EBF3: variants seen among roughly 807,000 people sequenced by gnomAD.
The protein encoded by EBF3 is EBF transcription factor 3.
A neutral mutation model predicts 77.1 loss-of-function variants in EBF3; 18 were observed. That is an observed-to-expected ratio of 0.23 (90% CI 0.16 to 0.35). The LOEUF is 0.35. Among genes scored for constraint, EBF3 ranks in the 10% least tolerant of loss-of-function variants. The pLI is 1.00. For synonymous variants in EBF3, 350 were observed against 343.5 expected (o/e 1.02, Z -0.21); for missense variants, 558 against 860.0 (o/e 0.65, Z 4.39).
At position 129,945,463 on chromosome 10, in the gene EBF3, C is replaced by G. The variant is rs550613085; in HGVS notation, c.554+11795G>C. On this transcript the variant is annotated intron_variant, in intron 6 of 16. Transcript: ENST00000440978. ...TGATCAGAGGGCTCTGTAAATCACA[C>G]GGATTCCGTACAGTCCTCCGGCCTC... Among the ~76,000 whole-genome samples the G allele has an allele frequency of 2.2e-4, 33 of 152,278 alleles. No homozygotes were observed. In the East Asian group the frequency reaches 6.2e-3, roughly 29 times the overall value.
At chr10:129,886,331 T>C (rs893658051) in intron 6 of EBF3, among the ~76,000 whole-genome samples, 9 of 152,244 alleles carry the variant, frequency 5.9e-5, no homozygotes, top group African/African-American at 2.2e-4. Flanking sequence ...TGAGTGGCAA[T>C]TATTAGTTTT....
chr10:129,955,414 A>G (rs1858964744), intron 6 of EBF3, among the ~76,000 whole-genome samples: 1 of 152,222 alleles, frequency 6.6e-6, no homozygotes, highest in African/African-American at 2.4e-5. Flanking sequence ...CATTAACCAA[A>G]TGTTTTTACG....
At chr10:129,895,885 G>A (rs117531019) in intron 6 of EBF3, among the ~76,000 whole-genome samples, 1,913 of 152,292 alleles carry the variant, frequency 0.013, 17 homozygotes, top group Non-Finnish European at 0.021. Flanking sequence ...GAAAGAATCC[G>A]TAATGTGGGA....
intron 6 of EBF3, among the ~76,000 whole-genome samples, chr10:129,924,258 T>C (rs1856496018): frequency 6.6e-6 from 1 of 151,862 alleles, no homozygotes; most frequent in Non-Finnish European, 1.5e-5. Context: ...CTGCTAAAAA[T>C]ACAAACATTA....
At chr10:129,843,456 G>A (rs1170476513) in intron 11 of EBF3, 1 of 441,032 alleles carries the variant, frequency 2.3e-6, no homozygotes, top group Non-Finnish European at 4.1e-6. Context: ...GCTCACAGAG[G>A]TGCACGGACA....
At chr10:129,891,097 A>G (rs1853989318) in intron 6 of EBF3, among the ~76,000 whole-genome samples, 1 of 152,194 alleles carries the variant, frequency 6.6e-6, no homozygotes, top group Non-Finnish European at 1.5e-5. Context: ...AAAAATGAGC[A>G]TCTAAATGGA....
chr10:129,856,121 C>G (rs1449040382), intron 10 of EBF3, among the ~76,000 whole-genome samples: 1 of 152,218 alleles, frequency 6.6e-6, no homozygotes, highest in African/African-American at 2.4e-5. Flanking sequence ...ACAGGTCACC[C>G]TCTGCCACGT....
rs1343596840 is a variant in EBF3 at position 129,878,561 on chromosome 10, C to T, written c.555-712G>A. 7.4e-5 allele frequency among the ~76,000 whole-genome samples: 11 copies of T among 147,708 alleles called. No individual in the cohort carries two copies. In the South Asian group the frequency reaches 8.6e-4, roughly 12 times the overall value. On this transcript the variant is annotated intron_variant, in intron 6 of 16. Coordinates refer to ENST00000440978, the MANE Select transcript of EBF3 (RefSeq NM_001375380.1). Reference sequence around the variant, plus strand: ...GCATGTGCCTATAATCCCAGCTACTCGGGAGGCTGAGGCAGGAGAATCGCT... The same window carrying T: ...GCATGTGCCTATAATCCCAGCTACTTGGGAGGCTGAGGCAGGAGAATCGCT...
intron 6 of EBF3, among the ~76,000 whole-genome samples, chr10:129,896,494 G>A (rs936088345): frequency 4.0e-4 from 61 of 152,342 alleles, no homozygotes; most frequent in African/African-American, 1.2e-3. Context: ...CTGGCTGGAC[G>A]GGGCGGGGGC....
rs1430219717 is a variant in EBF3, at chr10:129,841,983, C to T, written c.1372+133G>A. 54 of 1,188,216 alleles carry T rather than the reference C, an allele frequency of 4.5e-5. 1 individual carries two copies. Among genetic ancestry groups the T allele is most frequent in the Non-Finnish European group, 6.0e-5 (51 of 855,684 alleles). 73.6% of individuals were successfully genotyped at this position (1,188,216 alleles called of 1,614,324 possible). A position where few individuals can be genotyped will look rare whatever the true frequency, so the allele number is the denominator to read the frequency against. On this transcript the variant is annotated intron_variant, in intron 13 of 16. Coordinates refer to ENST00000440978, the MANE Select transcript of EBF3 (RefSeq NM_001375380.1). The surrounding 1 kb of genome is among the most constrained non-coding windows in gnomAD (Gnocchi z 4.6). ...AGCAAGGTCTTCCTGAGCAAAGGAA[C>T]CAGCAGAGCCAGAGAGAACAGAACG...
intron 10 of EBF3, among the ~76,000 whole-genome samples, chr10:129,855,916 C>T (rs1337776813): frequency 6.6e-6 from 1 of 152,226 alleles, no homozygotes; most frequent in Non-Finnish European, 1.5e-5. Context: ...GGAAAATCTG[C>T]ACACAGAGGT....
intron 6 of EBF3, among the ~76,000 whole-genome samples, chr10:129,920,773 G>C (rs1240598287): frequency 6.6e-6 from 1 of 152,254 alleles, no homozygotes; most frequent in Non-Finnish European, 1.5e-5. Context: ...GAAGGGCCCA[G>C]TAACCATGAA....
At chr10:129,942,505 A>G (rs1857834729) in intron 6 of EBF3, among the ~76,000 whole-genome samples, 1 of 152,190 alleles carries the variant, frequency 6.6e-6, no homozygotes, top group Admixed American at 6.5e-5. Context: ...AGCGTCCCAC[A>G]CGCTGTAGGG....
At chr10:129,946,476 A>T (rs532098048) in intron 6 of EBF3, among the ~76,000 whole-genome samples, 1 of 152,248 alleles carries the variant, frequency 6.6e-6, no homozygotes, top group Non-Finnish European at 1.5e-5. Context: ...CAGCCAAATA[A>T]CATTTTTCCT....
rs1020872781 is a variant in EBF3, at chr10:129,962,933, G to A, written c.355+9C>T. 2.5e-6 allele frequency: 4 copies of A among 1,613,858 alleles called. No individual in the cohort carries two copies. Among genetic ancestry groups the A allele is most frequent in the Non-Finnish European group, 3.4e-6 (4 of 1,179,876 alleles). On this transcript the variant is annotated intron_variant, in intron 3 of 16. Transcript: ENST00000440978. ...CTGCAGGGGCGGCGAGCACGCAGCA[G>A]GCACTTACCGTTGCTGTACAATAAC...
chr10:129,881,579 T>C (rs1044983280), intron 6 of EBF3, among the ~76,000 whole-genome samples: 10 of 152,160 alleles, frequency 6.6e-5, no homozygotes, highest in African/African-American at 2.4e-4. Flanking sequence ...TGTGATCTTA[T>C]TACTTTTGAA....
chr10:129,854,398 G>T (rs1019278314), intron 10 of EBF3, among the ~76,000 whole-genome samples: 1 of 152,126 alleles, frequency 6.6e-6, no homozygotes. Flanking sequence ...GATGAAAAGC[G>T]GCCAGGGCAG....
In EBF3 at chr10:129,837,283, T is replaced by A. The variant is rs373003353; in HGVS notation, c.*660A>T. 6.5e-6 allele frequency: 1 copy of A among 152,706 alleles called. No individual in the cohort carries two copies. The highest frequency in any genetic ancestry group is 2.1e-4 in the South Asian group (1 of 4,830). The allele number at this position is 152,706 out of a possible 1,614,324, so 9.5% of individuals were successfully genotyped here. A position where few individuals can be genotyped will look rare whatever the true frequency, so the allele number is the denominator to read the frequency against. ...AGTGTGCTTGTTGAAGGCAAGAGAA[T>A]TCAATATCAAAGTTACAATTTCTAA... On this transcript the variant is annotated 3_prime_UTR_variant, in exon 17 of 17. Transcript: ENST00000440978.
intron 6 of EBF3, among the ~76,000 whole-genome samples, chr10:129,892,200 C>T (rs1016357490): frequency 2.6e-5 from 4 of 152,222 alleles, no homozygotes; most frequent in African/African-American, 9.6e-5. Context: ...GGCTCTTAGT[C>T]GGGTTCCTCT....
Sources: gnomAD v4.1 joint callset for allele counts (sites outside exome capture counted in the v4.1 genomes callset) on GRCh38, gnomAD v4.1.1 for gene constraint, Gnocchi (gnomAD v3.1) non-coding constraint, MANE v1.5 for transcripts, NCBI Gene and HGNC (gene_info 2026-07-23, HGNC 2026-07-21) for gene names.